Variants in NLK observed in about 807,000 individuals in gnomAD.
The protein encoded by NLK is nemo like kinase.
NLK carries 11 observed loss-of-function variants against 59.0 expected under a neutral mutation model. The observed-to-expected ratio is 0.19, with a 90% CI of 0.12 to 0.31. NLK has a LOEUF of 0.31. NLK is among the 10% of genes least tolerant of loss of function. The pLI is 1.00. For synonymous variants in NLK, 235 were observed against 235.9 expected (o/e 1.00, Z 0.03); for missense variants, 410 against 661.1 (o/e 0.62, Z 4.16).
chr17:28,096,224 A>C (rs1253129744), intron 1 of NLK, among the ~76,000 whole-genome samples: 1 of 152,168 alleles, frequency 6.6e-6, no homozygotes, highest in Non-Finnish European at 1.5e-5. Flanking sequence ...CTACTGACTC[A>C]CTAAAAATAG....
intron 1 of NLK, among the ~76,000 whole-genome samples, chr17:28,116,062 A>G (rs1905755457): frequency 6.6e-6 from 1 of 152,170 alleles, no homozygotes; most frequent in Admixed American, 6.5e-5. Context: ...TCACCTATTT[A>G]TACTTATAAG....
chr17:28,189,369 A>G (rs1362491949), intron 8 of NLK, among the ~76,000 whole-genome samples: 1 of 152,224 alleles, frequency 6.6e-6, no homozygotes, highest in Non-Finnish European at 1.5e-5. Context: ...AAAATGTCAA[A>G]AAGTCCTGCA....
Position 28,092,713 on chromosome 17 carries a change from C to T in NLK, c.459-29890C>T, listed in dbSNP as rs562890900. Among the ~76,000 whole-genome samples the T allele has an allele frequency of 5.9e-5, 9 of 151,816 alleles. No individual in the cohort carries two copies. The East Asian group carries it at 1.5e-3, about 26-fold the overall frequency. On this transcript the variant is annotated intron_variant, in intron 1 of 10. Coordinates refer to ENST00000407008, the MANE Select transcript of NLK (RefSeq NM_016231.5). ...AAACAAAACAGACTGTATCCTGCCT[C>T]GAAGTAGAAAGAGCTAAGCAACTAA...
intron 1 of NLK, among the ~76,000 whole-genome samples, chr17:28,119,291 T>G (rs1905915140): frequency 6.6e-6 from 1 of 152,214 alleles, no homozygotes; most frequent in Non-Finnish European, 1.5e-5. Context: ...GCCATTCACA[T>G]TCATTAGAGT....
chr17:28,163,654 C>G, intron 5 of NLK, 26 bp downstream of exon 5: 2 of 1,357,260 alleles, frequency 1.5e-6, no homozygotes, highest in Non-Finnish European at 2.1e-6. Flanking sequence ...ATTTAAATAC[C>G]TGGGAAAAAT....
At chr17:28,089,769 T>C (rs1057148544) in intron 1 of NLK, among the ~76,000 whole-genome samples, 1 of 152,208 alleles carries the variant, frequency 6.6e-6, no homozygotes, top group South Asian at 2.1e-4. Context: ...TTAATGTGTG[T>C]GTAGTGTTAC....
chr17:28,193,905 A>T (rs1217336881), intron 10 of NLK, among the ~76,000 whole-genome samples: 3 of 152,234 alleles, frequency 2.0e-5, no homozygotes, highest in Non-Finnish European at 4.4e-5. Context: ...TAGGCAGTTT[A>T]GCAGCTTAGG....
chr17:28,140,077 A>T (rs1233891953), intron 3 of NLK, among the ~76,000 whole-genome samples: 2 of 152,170 alleles, frequency 1.3e-5, no homozygotes, highest in East Asian at 3.8e-4. Context: ...GATATTCCAG[A>T]TGGTGAGAGT....
At chr17:28,117,902 A>C (rs1449638613) in intron 1 of NLK, among the ~76,000 whole-genome samples, 1 of 152,192 alleles carries the variant, frequency 6.6e-6, no homozygotes, top group Non-Finnish European at 1.5e-5. Flanking sequence ...TAAATTGTAT[A>C]CAACTCTATA....
chr17:28,092,264 CG>C (rs554992456), intron 1 of NLK, among the ~76,000 whole-genome samples: 4 of 65,988 alleles, frequency 6.1e-5, no homozygotes, highest in Non-Finnish European at 9.4e-5. Context: ...AAAGAAAAGG[CG>C]GGGGGGTGGG....
At chr17:28,179,871 G>GGT (rs1567738699) in intron 7 of NLK, among the ~76,000 whole-genome samples, 2 of 126,536 alleles carry the variant, frequency 1.6e-5, no homozygotes, top group African/African-American at 3.0e-5. Flanking sequence ...AAGCATTCTT[G>GGT]GTTTTTTTTT....
intron 6 of NLK, among the ~76,000 whole-genome samples, chr17:28,170,807 T>G (rs1232843920): frequency 6.6e-6 from 1 of 152,222 alleles, no homozygotes; most frequent in African/African-American, 2.4e-5. Context: ...GCAACTGGAC[T>G]GGAGTTCAGA....
chr17:28,098,682 T>G (rs1488586485), intron 1 of NLK, among the ~76,000 whole-genome samples: 1 of 147,492 alleles, frequency 6.8e-6, no homozygotes, highest in Non-Finnish European at 1.5e-5. Context: ...ATTCTTTTTT[T>G]TTTTTTTTTT....
intron 1 of NLK, among the ~76,000 whole-genome samples, chr17:28,098,675 CTTTTTTTTTTTTT>C (rs781294029): frequency 4.4e-5 from 3 of 67,566 alleles, no homozygotes; most frequent in Non-Finnish European, 8.6e-5. Context: ...CATTACCATT[CTTTTTTTTTTTTT>C]TTTTTTTTTT....
chr17:28,198,876 C>T (rs867276479), downstream of NLK, among the ~76,000 whole-genome samples: 44 of 152,284 alleles, frequency 2.9e-4, no homozygotes, highest in Middle Eastern at 0.017. Flanking sequence ...GAGAAAACCC[C>T]TGGAAAGTAA....
At chr17:28,068,226 T>C (rs1431805780) in intron 1 of NLK, among the ~76,000 whole-genome samples, 1 of 152,230 alleles carries the variant, frequency 6.6e-6, no homozygotes, top group Non-Finnish European at 1.5e-5. Context: ...GATTTGCCTT[T>C]ATACTTTTCT....
In NLK at chr17:28,121,316, G is replaced by C. The variant is rs982315162; in HGVS notation, c.459-1287G>C. Among the ~76,000 whole-genome samples, 7 of 151,146 alleles carry C rather than the reference G, an allele frequency of 4.6e-5. No homozygotes were observed. The East Asian group carries it at 1.2e-3, about 25-fold the overall frequency. On this transcript the variant is annotated intron_variant, in intron 1 of 10. Transcript: ENST00000407008. ...GATAATAGCTGAGAATGTTAGGCAG[G>C]AATCTAGCTAAATAAATTGGACAGG...
chr17:28,063,619 C>T (rs771989302), intron 1 of NLK, among the ~76,000 whole-genome samples: 3 of 152,104 alleles, frequency 2.0e-5, no homozygotes, highest in Non-Finnish European at 4.4e-5. Context: ...TCCTGTTCTC[C>T]AAAGATACTG....
At chr17:28,184,340 A>G (rs1050038467) in intron 7 of NLK, among the ~76,000 whole-genome samples, 4 of 152,174 alleles carry the variant, frequency 2.6e-5, no homozygotes, top group African/African-American at 9.6e-5. Context: ...AAACCTTTCA[A>G]TCTTTTCTCT....
Sources: allele counts gnomAD v4.1 joint callset (sites outside exome capture counted in the v4.1 genomes callset), GRCh38; gene constraint gnomAD v4.1.1; transcripts MANE v1.5; gene names NCBI Gene and HGNC (gene_info 2026-07-23, HGNC 2026-07-21).